Variants in KANTR observed in about 807,000 individuals in gnomAD.
KANTR encodes KANTR integral membrane protein, also known as KDM5C adjacent transcript.
chrX:53,118,537 G>T (rs1187461304), intron 2 of KANTR, among the ~76,000 whole-genome samples: 1 of 111,175 alleles, frequency 9.0e-6, no homozygotes, highest in Non-Finnish European at 1.9e-5. Flanking sequence ...AAGGAAGGCA[G>T]ATCACTTGAG....
chrX:53,120,079 C>T (rs1214492673), intron 2 of KANTR, among the ~76,000 whole-genome samples: 4 of 109,746 alleles, frequency 3.6e-5, no homozygotes, highest in Non-Finnish European at 5.7e-5. Context: ...CTGTGTCATG[C>T]AGGCTGGAGT....
At position 53,123,542 on chromosome X, in the gene KANTR, C is replaced by T. The variant is rs1602123376; in HGVS notation, c.-731C>T. The T allele has an allele frequency of 9.0e-6, 1 of 111,480 alleles. No homozygotes were observed. Among genetic ancestry groups the T allele is most frequent in the East Asian group, 2.8e-4 (1 of 3,539 alleles). The allele number at this position is 111,480 out of a possible 1,213,427, so 9.2% of individuals were successfully genotyped here. ...ATTAAAAGGGCTCATCAGCTGCAAA[C>T]GGATTAAAGTATCTGATACTCGGGA... On this transcript the variant is annotated 5_prime_UTR_variant, in exon 3 of 3. It adds an upstream start codon to the 5' untranslated region. Coordinates refer to ENST00000604062, the Ensembl canonical transcript of KANTR.
At chrX:53,132,854 C>T (rs1933375803) in intron 2 of KANTR, among the ~76,000 whole-genome samples, 1 of 111,736 alleles carries the variant, frequency 8.9e-6, no homozygotes. Context: ...TAGATGTACA[C>T]AGGGCAACAC....
intron 2 of KANTR, among the ~76,000 whole-genome samples, chrX:53,107,825 T>C (rs1932972789): frequency 9.0e-6 from 1 of 110,545 alleles, no homozygotes; most frequent in African/African-American, 3.4e-5. Context: ...GGCTCCATCA[T>C]AGCCCACAGC....
chrX:53,107,037 A>G (rs1932961475), intron 2 of KANTR, among the ~76,000 whole-genome samples: 1 of 110,650 alleles, frequency 9.0e-6, no homozygotes, highest in Non-Finnish European at 1.9e-5. Context: ...CAGGTCTGTC[A>G]CTATGCTAGA....
At chrX:53,140,130 G>A (rs923033175) in intron 2 of KANTR, among the ~76,000 whole-genome samples, 2 of 112,383 alleles carry the variant, frequency 1.8e-5, no homozygotes, top group Non-Finnish European at 3.8e-5. Context: ...AAACCCTCCT[G>A]CATGGCTGAT....
At chrX:53,142,687 T>A (rs1439191607) in exon 3 of KANTR, 12 of 363,605 alleles carry the variant, frequency 3.3e-5, no homozygotes, top group Non-Finnish European at 5.7e-5. Flanking sequence ...CAGGGGCAAA[T>A]TTATACTGCT....
intron 2 of KANTR, among the ~76,000 whole-genome samples, chrX:53,116,185 A>G (rs142162279): frequency 0.01 from 1,125 of 111,613 alleles, 13 homozygotes; most frequent in African/African-American, 0.035. Context: ...GTGAATAAAT[A>G]TAATTTGGTG....
chrX:53,132,119 T>C (rs1933366956), downstream of KANTR, among the ~76,000 whole-genome samples: 1 of 112,364 alleles, frequency 8.9e-6, no homozygotes, highest in Non-Finnish European at 1.9e-5. Context: ...GCCAAATCAA[T>C]GAAAAACATT....
intron 2 of KANTR, among the ~76,000 whole-genome samples, chrX:53,110,452 A>G (rs1253230729): frequency 1.8e-5 from 2 of 112,252 alleles, no homozygotes; most frequent in South Asian, 3.6e-4. Context: ...CCAACCTTGC[A>G]TCCTTGTGAT....
At chrX:53,110,271 G>A (rs1251069480) in intron 2 of KANTR, among the ~76,000 whole-genome samples, 2 of 111,552 alleles carry the variant, frequency 1.8e-5, no homozygotes, top group Non-Finnish European at 3.8e-5. Context: ...TGAGTATGAT[G>A]GTAGCTGTGG....
downstream of KANTR, among the ~76,000 whole-genome samples, chrX:53,147,063 C>G (rs1406521807): frequency 1.8e-5 from 2 of 111,633 alleles, no homozygotes; most frequent in African/African-American, 6.5e-5. Context: ...CATCAACCAA[C>G]GAGCAAAATA....
intron 2 of KANTR, among the ~76,000 whole-genome samples, chrX:53,117,010 G>T (rs782754024): frequency 1.8e-5 from 2 of 111,525 alleles, no homozygotes; most frequent in Non-Finnish European, 1.9e-5. Flanking sequence ...GGCTGGGCGC[G>T]GCGGCTCACA....
chrX:53,109,306 G>T (rs1048516339), intron 2 of KANTR, among the ~76,000 whole-genome samples: 1 of 111,724 alleles, frequency 9.0e-6, no homozygotes, highest in African/African-American at 3.3e-5. Context: ...TTTTGAGATG[G>T]AGTTTCGCTC....
At chrX:53,111,982 T>A (rs1487909381) in intron 2 of KANTR, among the ~76,000 whole-genome samples, 6 of 111,693 alleles carry the variant, frequency 5.4e-5, no homozygotes, top group African/African-American at 1.3e-4. Flanking sequence ...TATTTTTTTT[T>A]AATTTCAGTT....
intron 2 of KANTR, among the ~76,000 whole-genome samples, chrX:53,110,982 ATGAC>A (rs1226721485): frequency 9.1e-6 from 1 of 109,341 alleles, no homozygotes; most frequent in Non-Finnish European, 1.9e-5. Flanking sequence ...GAGTTTGAGA[ATGAC>A]TGATATTACT....
chrX:53,100,223 G>C (rs1372178330), intron 2 of KANTR, among the ~76,000 whole-genome samples: 1 of 112,164 alleles, frequency 8.9e-6, no homozygotes, highest in Non-Finnish European at 1.9e-5. Context: ...GCTCACGCCT[G>C]TAATCTCAGC....
At chrX:53,105,368 C>G (rs928074071) in intron 2 of KANTR, among the ~76,000 whole-genome samples, 37 of 111,871 alleles carry the variant, frequency 3.3e-4, no homozygotes, top group African/African-American at 1.1e-3. Context: ...TTTTCATTTC[C>G]CTAATAACTC....
chrX:53,135,677 G>T (rs1311213441), intron 2 of KANTR, among the ~76,000 whole-genome samples: 1 of 112,123 alleles, frequency 8.9e-6, no homozygotes, highest in Non-Finnish European at 1.9e-5. Flanking sequence ...CTGCAGGCCA[G>T]TTGGAGTATA....
Sources: allele counts gnomAD v4.1 joint callset (sites outside exome capture counted in the v4.1 genomes callset), GRCh38; gene constraint gnomAD v4.1.1; transcripts MANE v1.5; gene names NCBI Gene and HGNC (gene_info 2026-07-23, HGNC 2026-07-21).